The following MASP2 variants were observed in gnomAD, a reference collection of about 807,000 sequenced individuals.
MASP2 encodes mannan-binding lectin serine protease 2.
In MASP2, 49 loss-of-function variants were observed where a neutral mutation model predicts 57.1. The ratio of observed to expected loss-of-function variants is 0.86; its 90% CI spans 0.68 to 1.09. The LOEUF is 1.09. MASP2 is among the 50% of genes least tolerant of loss of function. The pLI is 0.00. For missense variants in MASP2, 900 were observed against 874.8 expected (o/e 1.03, Z -0.36); for synonymous variants, 379 against 340.8 (o/e 1.11, Z -1.24).
At chr1:11,039,789 T>C (rs904143593) in intron 6 of MASP2, among the ~76,000 whole-genome samples, 4 of 146,692 alleles carry the variant, frequency 2.7e-5, no homozygotes, top group South Asian at 4.4e-4. Flanking sequence ...GGTGGATGGT[T>C]GGATGAATAG....
At chr1:11,031,224 A>C (rs1643838353) in intron 8 of MASP2, among the ~76,000 whole-genome samples, 1 of 151,518 alleles carries the variant, frequency 6.6e-6, no homozygotes, top group African/African-American at 2.4e-5. Context: ...CCTCATGTCA[A>C]ATATAAGAAA....
intron 7 of MASP2, among the ~76,000 whole-genome samples, chr1:11,036,538 C>CAA (rs1308681996): frequency 8.5e-5 from 6 of 70,264 alleles, no homozygotes; most frequent in African/African-American, 3.1e-4. Flanking sequence ...AAAAAAAAAA[C>CAA]AAAAAAAAAA....
chr1:11,028,510 CCAAACTAA>C (rs1408274128), intron 10 of MASP2, among the ~76,000 whole-genome samples: 3 of 152,076 alleles, frequency 2.0e-5, no homozygotes. Flanking sequence ...GTTGATTCTT[CCAAACTAA>C]GTTTTATTGT....
chr1:11,045,723 G>A (rs1638618390), intron 3 of MASP2, 184 bp from the exon 4 acceptor site: 2 of 617,846 alleles, frequency 3.2e-6, no homozygotes, highest in Non-Finnish European at 5.6e-6. Flanking sequence ...GCTCCCAGCA[G>A]CGCTGGGAGA....
At position 11,027,219 on chromosome 1, in the gene MASP2, G is replaced by A. The variant is rs202214079; in HGVS notation, c.1727C>T (p.Thr576Ile). The A allele has an allele frequency of 6.2e-5, 100 of 1,614,180 alleles. 1 individual carries two copies. In the East Asian group the frequency reaches 1.0e-3, roughly 16 times the overall value. The change falls in exon 11 of 11, where the codon ACC becomes ATC. Residue 576 changes from threonine (T) to isoleucine (I), a missense_variant. Coordinates refer to ENST00000400897, the MANE Select transcript of MASP2 (RefSeq NM_006610.4). Reference sequence around the variant, plus strand: ...ATTTCTAGCAAGAAAACCCCTTTGGGTTAATCCCCATCCAGATGCAGTTCC... The same window carrying A: ...ATTTCTAGCAAGAAAACCCCTTTGGATTAATCCCCATCCAGATGCAGTTCC... ...DIGTASGWGL[T>I]QRGFLARNLM...
chr1:11,044,762 C>G, intron 4 of MASP2: 518 of 830,644 alleles, frequency 6.2e-4, no homozygotes, highest in Middle Eastern at 1.3e-3. Flanking sequence ...CCCGCCGCCT[C>G]CCGACCCTCC....
rs763503529 is a variant in MASP2, at chr1:11,030,894, G to A, written c.1088-12C>T. The A allele has an allele frequency of 1.2e-6, 2 of 1,610,122 alleles. No individual in the cohort carries two copies. The highest frequency in any genetic ancestry group is 1.7e-6 in the Non-Finnish European group (2 of 1,178,554). On this transcript the variant is annotated splice_polypyrimidine_tract_variant and intron_variant, in intron 8 of 10. Transcript: ENST00000400897. ...GCCACAGTCAACAACTAAGAAAGAA[G>A]CATGGGAGGGAGGAATCCATTGATC...
chr1:11,040,869 G>T (rs1197618001), intron 6 of MASP2, among the ~76,000 whole-genome samples: 1 of 151,824 alleles, frequency 6.6e-6, no homozygotes, highest in Non-Finnish European at 1.5e-5. Flanking sequence ...TGGATGGATG[G>T]ATGGATGGAT....
chr1:11,030,395 A>G, intron 9 of MASP2, 145 bp from the exon 10 acceptor site: 1 of 622,522 alleles, frequency 1.6e-6, no homozygotes. Flanking sequence ...TGATTTCATA[A>G]ATAGGAGGTC....
rs768701139 is a variant in MASP2, at chr1:11,030,873, C to T, written c.1097G>A (p.Cys366Tyr). Residue 366 changes from cysteine (C) to tyrosine (Y), a missense_variant, in exon 9 of 11, where the codon TGT (cysteine) becomes TAT (tyrosine). Coordinates refer to ENST00000400897, the MANE Select transcript of MASP2 (RefSeq NM_006610.4). ...RPMPACSIVDCGPPDDLPSGR... is the reference protein window; with the variant it reads ...RPMPACSIVDYGPPDDLPSGR... ...ACTGGGTAGATCATCAGGAGGGCCA[C>T]AGTCAACAACTAAGAAAGAAGCATG... is the stretch of plus-strand genomic sequence containing the variant. 2.5e-6 allele frequency: 4 copies of T among 1,611,822 alleles called. No individual in the cohort carries two copies. Among genetic ancestry groups the T allele is most frequent in the Non-Finnish European group, 3.4e-6 (4 of 1,179,224 alleles).
Position 11,043,546 on chromosome 1 carries a change from G to T in MASP2, c.545-11C>A. 6.3e-7 allele frequency: 1 copy of T among 1,582,218 alleles called. No individual in the cohort carries two copies. Among genetic ancestry groups the T allele is most frequent in the Non-Finnish European group, 8.6e-7 (1 of 1,164,182 alleles). On this transcript the variant is annotated splice_polypyrimidine_tract_variant and intron_variant, in intron 4 of 10. Coordinates refer to ENST00000400897, the MANE Select transcript of MASP2 (RefSeq NM_006610.4). ...GGCCGGAGCACAGGGCTGGAAGGAG[G>T]GAAGGCAGGGGAGTGACTTGGCGTG...
chr1:11,028,554 C>T (rs1026463677), intron 10 of MASP2, among the ~76,000 whole-genome samples: 4 of 152,072 alleles, frequency 2.6e-5, no homozygotes, highest in Non-Finnish European at 5.9e-5. Context: ...TAAATACGCC[C>T]ATTAATGTAG....
intron 8 of MASP2, among the ~76,000 whole-genome samples, chr1:11,031,645 G>A (rs1027189310): frequency 2.0e-5 from 3 of 151,884 alleles, no homozygotes; most frequent in Admixed American, 6.6e-5. Context: ...AGTAAGATTG[G>A]AGGAGCTGGG....
At chr1:11,044,755 G>A (rs1384847436) in intron 4 of MASP2, 9 of 1,469,728 alleles carry the variant, frequency 6.1e-6, no homozygotes, top group Non-Finnish European at 8.2e-6. Flanking sequence ...AGCGCACCCC[G>A]CCGCCTCCCG....
intron 9 of MASP2, 75 bp from the exon 10 acceptor site, chr1:11,030,325 G>T: frequency 1.0e-6 from 1 of 996,418 alleles, no homozygotes; most frequent in Non-Finnish European, 1.6e-6. Flanking sequence ...ATACCCCCTT[G>T]AAAAATGTTG....
chr1:11,046,731 C>G lies in MASP2; in HGVS notation c.237G>C (p.Leu79=). Residue 79 remains leucine (L), a splice_region_variant and synonymous_variant, in exon 3 of 11, where the codon CTG becomes CTC. Transcript: ENST00000400897. ...TGGCCAGCACCTTGGCCCCCGAGCT[C>G]AGCTGTGGGGTCAGGTGTCACAGGG... The part of the protein sequence containing the change: ...SHLCEYDFVK[L]SSGAKVLATL... 1.2e-6 allele frequency: 2 copies of G among 1,611,794 alleles called. No individual in the cohort carries two copies. Among genetic ancestry groups the G allele is most frequent in the Non-Finnish European group, 1.7e-6 (2 of 1,179,372 alleles).
At position 11,033,511 on chromosome 1, in the gene MASP2, G is replaced by A. The variant is rs767015214; in HGVS notation, c.1087+1317C>T. 1.4e-3 allele frequency among the ~76,000 whole-genome samples: 213 copies of A among 150,112 alleles called. 1 individual carries two copies. The highest frequency in any genetic ancestry group is 1.8e-3 in the Non-Finnish European group (120 of 67,536). On this transcript the variant is annotated intron_variant, in intron 8 of 10. Coordinates refer to ENST00000400897, the MANE Select transcript of MASP2 (RefSeq NM_006610.4). The stretch of plus-strand genomic sequence containing the variant: ...ATACAAAAACTTAGCCAGGTGTGGC[G>A]GTGTGTGCCTGTAGTCTCAGCTACT...
At chr1:11,044,372 G>A (rs1638559170) in intron 4 of MASP2, among the ~76,000 whole-genome samples, 2 of 152,150 alleles carry the variant, frequency 1.3e-5, no homozygotes, top group Admixed American at 6.5e-5. Context: ...GCAGTGGGGG[G>A]CATTTGAGTT....
At chr1:11,042,767 C>G in intron 6 of MASP2, 108 bp downstream of exon 6, 4 of 1,311,240 alleles carry the variant, frequency 3.1e-6, no homozygotes, top group Non-Finnish European at 4.2e-6. Context: ...CCTGGTGTCC[C>G]TTCCTAGTCC....
Sources: gnomAD v4.1 joint callset for allele counts (sites outside exome capture counted in the v4.1 genomes callset) on GRCh38, gnomAD v4.1.1 for gene constraint, MANE v1.5 for transcripts, NCBI Gene and HGNC (gene_info 2026-07-23, HGNC 2026-07-21) for gene names.